The following EBF1 variants were observed in gnomAD, a reference collection of about 807,000 sequenced individuals.
EBF1 encodes the protein transcription factor COE1.
Under a neutral mutation model 68.4 loss-of-function variants are expected in EBF1, and 10 were observed. The ratio of observed to expected loss-of-function variants is 0.15; its 90% CI spans 0.09 to 0.25. The LOEUF (loss-of-function observed/expected upper bound fraction) is 0.25. Ranked by LOEUF, EBF1 falls within the 10% of genes least tolerant of loss-of-function variation. EBF1 has a pLI of 1.00. For missense variants in EBF1, 509 were observed against 794.4 expected (o/e 0.64, Z 4.32); for synonymous variants, 298 against 299.8 (o/e 0.99, Z 0.06).
chr5:158,799,732 A>G (rs942401148), intron 8 of EBF1, among the ~76,000 whole-genome samples: 7 of 152,174 alleles, frequency 4.6e-5, no homozygotes, highest in African/African-American at 1.4e-4. Context: ...CACGTGCCCC[A>G]GGGAAAGGTG....
chr5:158,858,138 G>C (rs757259811), intron 6 of EBF1, among the ~76,000 whole-genome samples: 10 of 152,142 alleles, frequency 6.6e-5, no homozygotes, highest in Non-Finnish European at 1.5e-4. Flanking sequence ...TCATGCTTTT[G>C]CTGGAGATCC....
At chr5:158,893,157 T>C (rs1463699255) in intron 6 of EBF1, among the ~76,000 whole-genome samples, 1 of 152,212 alleles carries the variant, frequency 6.6e-6, no homozygotes, top group Non-Finnish European at 1.5e-5. Flanking sequence ...ATGTTTTCAT[T>C]GTTACATTGT....
rs1757911136 is a variant in EBF1 at position 158,981,610 on chromosome 5, TAATATTAA to T, written c.554+91778_554+91785del. Among the ~76,000 whole-genome samples, 3 of 152,276 alleles carry T rather than the reference TAATATTAA, an allele frequency of 2.0e-5. No individual in the cohort carries two copies. In the South Asian group the frequency reaches 6.2e-4, roughly 32 times the overall value. ...CAACTTTCTTACTTAAAATCCAGTA[TAATATTAA>T]AATATTAAAACTCATTAAAAATTAA... On this transcript the variant is annotated intron_variant, in intron 6 of 15. Transcript: ENST00000313708.
intron 5 of EBF1, 183 bp from the exon 6 acceptor site, chr5:159,073,647 C>T: frequency 1.6e-6 from 1 of 607,804 alleles, no homozygotes. Flanking sequence ...AATGGCCAGG[C>T]TTAACCTCTC....
In EBF1 at chr5:158,752,396, A is replaced by G. The variant is rs114002006; in HGVS notation, c.1037-21239T>C. 3.0e-3 allele frequency among the ~76,000 whole-genome samples: 455 copies of G among 151,994 alleles called. 2 individuals carry two copies. The highest frequency in any genetic ancestry group is 0.01 in the African/African-American group (428 of 41,488). On this transcript the variant is annotated intron_variant, in intron 10 of 15. Coordinates refer to ENST00000313708, the MANE Select transcript of EBF1 (RefSeq NM_024007.5). ...CAAGGATCCATTTCTTAGGAAATCT[A>G]TAAAGATGCAGAAAGCTTTAGAAAT...
At chr5:159,092,368 T>A (rs2127998516) in intron 4 of EBF1, among the ~76,000 whole-genome samples, 1 of 152,318 alleles carries the variant, frequency 6.6e-6, no homozygotes, top group East Asian at 1.9e-4. Context: ...AAATATTATA[T>A]CCTGTGTGCT....
At chr5:158,838,006 A>G (rs1789221799) in intron 7 of EBF1, among the ~76,000 whole-genome samples, 1 of 152,236 alleles carries the variant, frequency 6.6e-6, no homozygotes, top group Non-Finnish European at 1.5e-5. Flanking sequence ...CCTAAGCAAC[A>G]CACACTTAGT....
At chr5:158,947,526 T>C (rs1815039254) in intron 6 of EBF1, among the ~76,000 whole-genome samples, 1 of 152,228 alleles carries the variant, frequency 6.6e-6, no homozygotes, top group African/African-American at 2.4e-5. Flanking sequence ...CTGCACCCAC[T>C]GTCTAACCAA....
chr5:158,900,667 A>G (rs1441355332), intron 6 of EBF1, among the ~76,000 whole-genome samples: 1 of 152,218 alleles, frequency 6.6e-6, no homozygotes, highest in Non-Finnish European at 1.5e-5. Flanking sequence ...CCAAATTTTG[A>G]TGCTAATAAC....
chr5:158,872,259 T>C (rs1157996975), intron 6 of EBF1, among the ~76,000 whole-genome samples: 3 of 151,908 alleles, frequency 2.0e-5, no homozygotes, highest in African/African-American at 7.3e-5. Flanking sequence ...CCCAGCGGCA[T>C]GATCTCAGCT....
intron 6 of EBF1, among the ~76,000 whole-genome samples, chr5:158,886,502 C>G (rs1018677738): frequency 6.6e-6 from 1 of 152,134 alleles, no homozygotes; most frequent in Middle Eastern, 3.2e-3. Context: ...GGGTTTTCAC[C>G]GCATGGAACT....
chr5:158,708,303 C>T, intron 14 of EBF1, 130 bp from the exon 15 acceptor site: 1 of 910,010 alleles, frequency 1.1e-6, no homozygotes, highest in South Asian at 1.7e-5. Flanking sequence ...CACAAACCTT[C>T]CCTGAATTCG....
intron 5 of EBF1, among the ~76,000 whole-genome samples, chr5:159,083,061 CA>C (rs1485969470): frequency 1.3e-5 from 2 of 152,152 alleles, no homozygotes; most frequent in African/African-American, 4.8e-5. Context: ...TAAACATGTG[CA>C]GATATGAGAT....
At chr5:158,745,892 T>C (rs1313231977) in intron 10 of EBF1, among the ~76,000 whole-genome samples, 1 of 152,186 alleles carries the variant, frequency 6.6e-6, no homozygotes, top group Non-Finnish European at 1.5e-5. Context: ...ATTCTTTCTT[T>C]CACGTGCCAT....
At chr5:158,859,710 C>G (rs1475752631) in intron 6 of EBF1, among the ~76,000 whole-genome samples, 3 of 152,216 alleles carry the variant, frequency 2.0e-5, no homozygotes, top group Non-Finnish European at 2.9e-5. Flanking sequence ...TCTGTGCATA[C>G]TGTTCCCTCT....
intron 6 of EBF1, among the ~76,000 whole-genome samples, chr5:158,954,454 C>T (rs866468873): frequency 1.3e-5 from 2 of 152,196 alleles, no homozygotes. Flanking sequence ...GAAAGTTGTG[C>T]CATGAGAATA....
intron 6 of EBF1, among the ~76,000 whole-genome samples, chr5:158,950,475 T>C (rs1815723635): frequency 1.3e-5 from 2 of 152,140 alleles, no homozygotes; most frequent in Admixed American, 1.3e-4. Flanking sequence ...CAGAAAGAAG[T>C]GGATTTGTGT....
chr5:158,935,444 A>C (rs1400342361), intron 6 of EBF1, among the ~76,000 whole-genome samples: 1 of 152,240 alleles, frequency 6.6e-6, no homozygotes, highest in African/African-American at 2.4e-5. Context: ...CCAGATTAGC[A>C]TAAGTGAACT....
chr5:158,749,703 G>T (rs958225591), intron 10 of EBF1, among the ~76,000 whole-genome samples: 4 of 152,122 alleles, frequency 2.6e-5, no homozygotes, highest in African/African-American at 4.8e-5. Context: ...CGAGGGAGGT[G>T]AATATACACT....
Sources: gnomAD v4.1 joint callset for allele counts (sites outside exome capture counted in the v4.1 genomes callset) on GRCh38, gnomAD v4.1.1 for gene constraint, MANE v1.5 for transcripts, NCBI Gene and HGNC (gene_info 2026-07-23, HGNC 2026-07-21) for gene names.